PTPRJ: variants seen among roughly 807,000 people sequenced by gnomAD.
The protein encoded by PTPRJ is protein tyrosine phosphatase receptor type J.
PTPRJ carries 129 observed loss-of-function variants against 141.3 expected under a neutral mutation model. That is an observed-to-expected ratio of 0.91 (90% confidence interval 0.79 to 1.06). The LOEUF (loss-of-function observed/expected upper bound fraction) is 1.06, where lower values mean the gene tolerates loss of function less well. PTPRJ is among the 50% of genes least tolerant of loss of function. PTPRJ has a pLI of 0.00. For synonymous variants in PTPRJ, 610 were observed against 640.5 expected (o/e 0.95, Z 0.72); for missense variants, 1,601 against 1,679.7 (o/e 0.95, Z 0.82).
At position 48,164,796 on chromosome 11, in the gene PTPRJ, C is replaced by T. The variant is rs988966421; in HGVS notation, c.3855+281C>T. On this transcript the variant is annotated intron_variant, in intron 24 of 24. Coordinates refer to ENST00000418331, the MANE Select transcript of PTPRJ (RefSeq NM_002843.4). ...GGCCAGGCTGGTCTCGAACTCCTGA[C>T]CTCAAGTGATCTGCCTGCCTCAGTG... 3.3e-5 allele frequency among the ~76,000 whole-genome samples: 5 copies of T among 151,662 alleles called. No homozygotes were observed. The South Asian group carries it at 6.3e-4, about 19-fold the overall frequency.
chr11:48,142,837 G>A, intron 11 of PTPRJ, 82 bp from the exon 12 acceptor site: 1 of 1,466,596 alleles, frequency 6.8e-7, no homozygotes, highest in Non-Finnish European at 9.1e-7. Flanking sequence ...TCTTGAGGAG[G>A]TTGCTGAAGC....
chr11:48,130,322 G>A (rs1367239913), intron 7 of PTPRJ, 137 bp from the exon 8 acceptor site: 3 of 866,684 alleles, frequency 3.5e-6, no homozygotes, highest in Non-Finnish European at 5.2e-6. Context: ...TCATGTTGTA[G>A]GTGATGATAC....
intron 8 of PTPRJ, chr11:48,132,805 G>T: frequency 1.2e-6 from 1 of 834,630 alleles, no homozygotes; most frequent in Middle Eastern, 6.1e-4. Context: ...GTGCTGGTTG[G>T]GTTAAGCACC....
chr11:48,033,791 GA>G (rs1268883299), intron 1 of PTPRJ, among the ~76,000 whole-genome samples: 3 of 152,216 alleles, frequency 2.0e-5, no homozygotes, highest in Non-Finnish European at 4.4e-5. Context: ...GGAGGACCAA[GA>G]GGAGCTGTTT....
intron 7 of PTPRJ, among the ~76,000 whole-genome samples, chr11:48,129,819 A>G (rs1201608447): frequency 6.6e-6 from 1 of 152,130 alleles, no homozygotes; most frequent in Non-Finnish European, 1.5e-5. Context: ...CGTGAGCTCC[A>G]GTCATTGCAT....
chr11:48,137,302 C>A (rs373985974), intron 10 of PTPRJ, 21 bp downstream of exon 10: 2 of 1,604,770 alleles, frequency 1.2e-6, no homozygotes, highest in African/African-American at 2.7e-5. Context: ...CCCCAACTGC[C>A]TCTTGGACTC....
intron 1 of PTPRJ, among the ~76,000 whole-genome samples, chr11:48,006,155 G>A (rs868758311): frequency 6.6e-6 from 1 of 152,208 alleles, no homozygotes; most frequent in Non-Finnish European, 1.5e-5. Context: ...TTAGGAGAGT[G>A]GGTTGGACTC....
intron 3 of PTPRJ, among the ~76,000 whole-genome samples, chr11:48,115,065 A>G (rs1388193962): frequency 2.0e-5 from 3 of 152,246 alleles, no homozygotes; most frequent in Non-Finnish European, 4.4e-5. Flanking sequence ...TTTATGCAAC[A>G]GCATCAAAAG....
intron 1 of PTPRJ, among the ~76,000 whole-genome samples, chr11:48,041,204 G>A (rs945745317): frequency 6.6e-6 from 1 of 151,894 alleles, no homozygotes; most frequent in South Asian, 2.1e-4. Flanking sequence ...CTTCATTTCT[G>A]TACCTCCCAA....
At position 48,149,344 on chromosome 11, in the gene PTPRJ, G is replaced by A; in HGVS notation, c.3000-103G>A. 5 of 805,458 alleles carry A rather than the reference G, an allele frequency of 6.2e-6. No individual in the cohort carries two copies. The South Asian group carries it at 8.2e-5, about 13-fold the overall frequency. The allele number at this position is 805,458 out of a possible 1,614,324, so 49.9% of individuals were successfully genotyped here. A position where few individuals can be genotyped will look rare whatever the true frequency, so the allele number is the denominator to read the frequency against. The stretch of plus-strand genomic sequence containing the variant: ...GTGAACTAATGCCTGAGGAAAAGGT[G>A]TAACACCTTTATTTCATAGATGACA... On this transcript the variant is annotated intron_variant, in intron 15 of 24. Coordinates refer to ENST00000418331, the MANE Select transcript of PTPRJ (RefSeq NM_002843.4).
intron 22 of PTPRJ, among the ~76,000 whole-genome samples, chr11:48,163,119 A>C (rs1857827055): frequency 6.6e-6 from 1 of 152,138 alleles, no homozygotes; most frequent in Non-Finnish European, 1.5e-5. Flanking sequence ...ATGTGAGTTC[A>C]TTATTGATAG....
At chr11:47,984,040 G>A (rs1853981892) in intron 1 of PTPRJ, among the ~76,000 whole-genome samples, 1 of 151,968 alleles carries the variant, frequency 6.6e-6, no homozygotes, top group African/African-American at 2.4e-5. Context: ...TTTTTGTTTT[G>A]CTTCAGGACA....
intron 1 of PTPRJ, among the ~76,000 whole-genome samples, chr11:48,014,864 G>A (rs573939015): frequency 1.4e-3 from 211 of 152,152 alleles, no homozygotes; most frequent in Middle Eastern, 0.01. Flanking sequence ...CACCATGCCC[G>A]GCTAATTTTT....
chr11:48,156,911 C>A (rs1202140528), intron 21 of PTPRJ, among the ~76,000 whole-genome samples: 2 of 151,688 alleles, frequency 1.3e-5, no homozygotes, highest in South Asian at 4.2e-4. Flanking sequence ...TAAGCAAAAT[C>A]TCAGACTTAT....
chr11:48,095,124 G>A (rs572516228), intron 1 of PTPRJ, among the ~76,000 whole-genome samples: 2 of 152,190 alleles, frequency 1.3e-5, no homozygotes, highest in Non-Finnish European at 2.9e-5. Flanking sequence ...TCTGTCCAGT[G>A]TCTATTCAGA....
intron 18 of PTPRJ, among the ~76,000 whole-genome samples, chr11:48,151,829 C>G (rs1279554399): frequency 1.3e-5 from 2 of 152,164 alleles, no homozygotes; most frequent in Admixed American, 6.5e-5. Context: ...CCACATTTTT[C>G]TTAGTCCAGT....
At chr11:47,989,612 TA>T (rs978473861) in intron 1 of PTPRJ, among the ~76,000 whole-genome samples, 139 of 146,076 alleles carry the variant, frequency 9.5e-4, no homozygotes, top group Middle Eastern at 3.6e-3. Context: ...CCCTGTTCAT[TA>T]AAAAAAAAAA....
At chr11:47,997,080 G>C (rs1590391186) in intron 1 of PTPRJ, among the ~76,000 whole-genome samples, 1 of 152,212 alleles carries the variant, frequency 6.6e-6, no homozygotes, top group East Asian at 1.9e-4. Flanking sequence ...CTCCATCTCA[G>C]CCCTATTGAC....
At chr11:48,012,114 G>A (rs1302878672) in intron 1 of PTPRJ, among the ~76,000 whole-genome samples, 1 of 152,108 alleles carries the variant, frequency 6.6e-6, no homozygotes, top group African/African-American at 2.4e-5. Context: ...TCACACTTGG[G>A]GGCATGGTGT....
Sources: allele counts gnomAD v4.1 joint callset (sites outside exome capture counted in the v4.1 genomes callset), GRCh38; gene constraint gnomAD v4.1.1; transcripts MANE v1.5; gene names NCBI Gene and HGNC (gene_info 2026-07-23, HGNC 2026-07-21).